The following NTM variants were observed in gnomAD, a reference collection of about 807,000 sequenced individuals.
The protein encoded by NTM is IgLON family member 2.
A neutral mutation model predicts 42.1 loss-of-function variants in NTM; 13 were observed. The ratio of observed to expected loss-of-function variants is 0.31; its 90% CI spans 0.20 to 0.49. The LOEUF (loss-of-function observed/expected upper bound fraction) is 0.49, where lower values mean the gene tolerates loss of function less well. Among genes scored for constraint, NTM ranks in the 20% least tolerant of loss-of-function variants. NTM has a pLI of 0.99. For missense variants in NTM, 373 were observed against 452.8 expected (o/e 0.82, Z 1.60); for synonymous variants, 187 against 179.2 (o/e 1.04, Z -0.35).
At chr11:132,099,039 T>G (rs974426172) in intron 2 of NTM, among the ~76,000 whole-genome samples, 1 of 152,288 alleles carries the variant, frequency 6.6e-6, no homozygotes, top group Non-Finnish European at 1.5e-5. Flanking sequence ...AGCTGTTTAC[T>G]GCCTGCAGAA....
rs144800072 is a variant in NTM at position 131,840,777 on chromosome 11, G to A, written c.83-70787G>A. ...CCTACATTAGAGGGTGTGGGATCTG[G>A]TGCTGGCTCACTGGAGGACCTGGAG... On this transcript the variant is annotated intron_variant, in intron 1 of 8. Transcript: ENST00000683400. Among the ~76,000 whole-genome samples the A allele has an allele frequency of 3.4e-3, 521 of 152,312 alleles. 3 individuals carry two copies. Among genetic ancestry groups the A allele is most frequent in the African/African-American group, 0.011 (466 of 41,560 alleles).
chr11:131,652,437 G>T (rs2066618169), intron 1 of NTM, among the ~76,000 whole-genome samples: 1 of 152,104 alleles, frequency 6.6e-6, no homozygotes, highest in Non-Finnish European at 1.5e-5. Flanking sequence ...CTTGGCCTGG[G>T]GCCCAGACCC....
At chr11:131,692,210 G>A (rs1592580781) in intron 1 of NTM, among the ~76,000 whole-genome samples, 2 of 149,154 alleles carry the variant, frequency 1.3e-5, no homozygotes, top group Admixed American at 1.3e-4. Context: ...GCCTACAAGA[G>A]GTGCCACCTC....
At chr11:131,667,484 T>C (rs571467758) in intron 1 of NTM, among the ~76,000 whole-genome samples, 2 of 152,308 alleles carry the variant, frequency 1.3e-5, no homozygotes, top group East Asian at 3.9e-4. Context: ...AAGCATTCAT[T>C]GGTGCTCTGA....
At chr11:132,232,056 G>C (rs182705620) in intron 4 of NTM, among the ~76,000 whole-genome samples, 2 of 152,318 alleles carry the variant, frequency 1.3e-5, no homozygotes, top group East Asian at 3.9e-4. Context: ...CCAGATCCAA[G>C]GGAGACACAA....
intron 2 of NTM, among the ~76,000 whole-genome samples, chr11:132,020,339 AT>A (rs1312765344): frequency 6.6e-6 from 1 of 151,946 alleles, no homozygotes; most frequent in East Asian, 1.9e-4. Context: ...ACTGGTACTT[AT>A]TTTTATGACT....
chr11:131,685,010 G>A (rs2073637003), intron 1 of NTM, among the ~76,000 whole-genome samples: 1 of 152,242 alleles, frequency 6.6e-6, no homozygotes, highest in African/African-American at 2.4e-5. Context: ...GCTGCTCAGG[G>A]CTGGGATAGG....
chr11:131,886,266 A>G (rs941591060), intron 1 of NTM, among the ~76,000 whole-genome samples: 14 of 152,146 alleles, frequency 9.2e-5, no homozygotes, highest in Non-Finnish European at 1.9e-4. Context: ...ACCAGCTTCT[A>G]TTTAATAAAA....
intron 4 of NTM, among the ~76,000 whole-genome samples, chr11:132,215,349 ATTTCTTAAAAGTCCTTG>A (rs2083631372): frequency 6.6e-6 from 1 of 152,154 alleles, no homozygotes. Flanking sequence ...TGTTCTGTAC[ATTTCTTAAAAGTCCTTG>A]TTTCCTTCAT....
chr11:131,908,070 T>C (rs1355144086), intron 1 of NTM, among the ~76,000 whole-genome samples: 1 of 152,222 alleles, frequency 6.6e-6, no homozygotes, highest in Non-Finnish European at 1.5e-5. Context: ...GCAAGTGCCT[T>C]TTCTTTGCCC....
intron 1 of NTM, among the ~76,000 whole-genome samples, chr11:131,754,902 C>T (rs2083119685): frequency 6.6e-6 from 1 of 152,112 alleles, no homozygotes; most frequent in Non-Finnish European, 1.5e-5. Context: ...GAACTCACAC[C>T]ATCACGATGA....
intron 1 of NTM, among the ~76,000 whole-genome samples, chr11:131,789,135 C>A (rs923429943): frequency 3.3e-5 from 5 of 151,986 alleles, no homozygotes; most frequent in African/African-American, 1.2e-4. Context: ...GTCCTTTTCT[C>A]TCAGTCATCG....
chr11:131,985,832 A>G (rs889308894), intron 2 of NTM, among the ~76,000 whole-genome samples: 38 of 152,184 alleles, frequency 2.5e-4, no homozygotes, highest in African/African-American at 9.2e-4. Context: ...TCTCTCTTAC[A>G]ATATCCACCA....
At position 132,330,192 on chromosome 11, in the gene NTM, A is replaced by G. The variant is rs2095773899; in HGVS notation, c.967+7A>G. ...GCCCTGACCCCTTGGAAAGGTTTGT[A>G]TATTTTTCAGACAGCTGCTGCCTTG... On this transcript the variant is annotated splice_region_variant and intron_variant, in intron 8 of 8. Transcript: ENST00000683400. The G allele has an allele frequency of 3.9e-6, 6 of 1,551,590 alleles. No homozygotes were observed. Among genetic ancestry groups the G allele is most frequent in the African/African-American group, 1.4e-5 (1 of 73,158 alleles).
At chr11:131,794,788 G>A (rs1485748299) in intron 1 of NTM, 2 of 985,312 alleles carry the variant, frequency 2.0e-6, no homozygotes, top group East Asian at 1.1e-4. Flanking sequence ...AAGCATTCAT[G>A]TACTTTGGAA....
chr11:132,193,303 TACTCTCAG>T (rs1174137629), intron 3 of NTM, among the ~76,000 whole-genome samples: 1 of 151,998 alleles, frequency 6.6e-6, no homozygotes, highest in Non-Finnish European at 1.5e-5. Flanking sequence ...CCACCAACCA[TACTCTCAG>T]ACCACAGTGC....
intron 2 of NTM, among the ~76,000 whole-genome samples, chr11:132,097,838 G>A (rs1274534662): frequency 7.2e-5 from 11 of 152,316 alleles, no homozygotes; most frequent in Admixed American, 7.2e-4. Flanking sequence ...AAGGGTTCCG[G>A]CATTGGTTGA....
chr11:131,656,183 C>T lies in NTM; in HGVS notation c.83-255381C>T, dbSNP rs138222705. Among the ~76,000 whole-genome samples, 289 of 152,290 alleles carry T rather than the reference C, an allele frequency of 1.9e-3. 1 individual carries two copies. The highest frequency in any genetic ancestry group is 6.5e-3 in the African/African-American group (271 of 41,564). On this transcript the variant is annotated intron_variant, in intron 1 of 8. Transcript: ENST00000683400. ...AGGTAAAGGGAGAAGGCTTTGCATT[C>T]CAGTAGTGTTTTATGCAAGGAAAGA...
chr11:131,687,006 G>C (rs552702162), intron 1 of NTM, among the ~76,000 whole-genome samples: 1 of 152,162 alleles, frequency 6.6e-6, no homozygotes, highest in South Asian at 2.1e-4. Flanking sequence ...GCAGGGCCAC[G>C]TTCTGCCCCA....
Sources: gnomAD v4.1 joint callset for allele counts (sites outside exome capture counted in the v4.1 genomes callset) on GRCh38, gnomAD v4.1.1 for gene constraint, MANE v1.5 for transcripts, NCBI Gene and HGNC (gene_info 2026-07-23, HGNC 2026-07-21) for gene names.